Variants in PRH1 observed in about 807,000 individuals in gnomAD.
The protein encoded by PRH1 is proline rich protein HaeIII subfamily 1.
A neutral mutation model predicts 7.9 loss-of-function variants in PRH1; 7 were observed. That is an observed-to-expected ratio of 0.89 (90% confidence interval 0.50 to 1.67). The LOEUF is 1.67. Ranked by LOEUF, PRH1 falls within the 40% of genes most tolerant of loss-of-function variation. The pLI is 0.00. For missense variants in PRH1, 109 were observed against 223.6 expected (o/e 0.49, Z 3.27); for synonymous variants, 45 against 80.8 (o/e 0.56, Z 2.38).
At chr12:11,116,544 A>C (rs1012562540), downstream of PRH1, among the ~76,000 whole-genome samples, 2 of 152,134 alleles carry the variant, frequency 1.3e-5, no homozygotes, top group African/African-American at 4.8e-5. Flanking sequence ...TGAAAAACAG[A>C]GGAAGAGGGA....
At chr12:10,881,425 C>T (rs763745365) in intron 3 of PRH1, among the ~76,000 whole-genome samples, 4 of 152,006 alleles carry the variant, frequency 2.6e-5, no homozygotes, top group Non-Finnish European at 4.4e-5. Context: ...AAATAGATTA[C>T]GGAACAACCA....
chr12:11,046,185 A>AAT (rs1942892267), intron 1 of PRH1, among the ~76,000 whole-genome samples: 1 of 152,218 alleles, frequency 6.6e-6, no homozygotes, highest in African/African-American at 2.4e-5. Context: ...ATGGACAAGG[A>AAT]ATATGACTGT....
chr12:10,914,614 C>T lies in PRH1; in HGVS notation c.-58-30339G>A, dbSNP rs138110947. ...TTTTCTGGTAGCTCTTGTTATAAGT[C>T]GTATTTACATTAAGAACTCTCCCCT... On this transcript the variant is annotated intron_variant, in intron 2 of 3. Coordinates refer to the PRH1 transcript ENST00000539853. Among the ~76,000 whole-genome samples, 32 of 152,162 alleles carry T rather than the reference C, an allele frequency of 2.1e-4. No homozygotes were observed. The East Asian group carries it at 6.2e-3, about 29-fold the overall frequency.
intron 1 of PRH1, among the ~76,000 whole-genome samples, chr12:11,154,600 CTTA>C (rs1950112067): frequency 6.6e-6 from 1 of 152,160 alleles, no homozygotes; most frequent in South Asian, 2.1e-4. Context: ...CAAAGGTTGT[CTTA>C]TTATGCAGAT....
chr12:11,131,579 A>G (rs574301367), intron 1 of PRH1, among the ~76,000 whole-genome samples: 3 of 152,414 alleles, frequency 2.0e-5, no homozygotes, highest in Admixed American at 1.3e-4. Context: ...AGAAAAAAAT[A>G]CATACGCAAA....
intron 2 of PRH1, chr12:10,909,158 G>A (rs1949856489): frequency 6.2e-7 from 1 of 1,613,964 alleles, no homozygotes; most frequent in Non-Finnish European, 8.5e-7. Flanking sequence ...AGATAATGAG[G>A]AGTTTATCGA....
chr12:10,990,691 G>T (rs186686392), intron 1 of PRH1, among the ~76,000 whole-genome samples: 1 of 152,318 alleles, frequency 6.6e-6, no homozygotes, highest in African/African-American at 2.4e-5. Flanking sequence ...TGCAGAACTA[G>T]AAAGAATAAT....
rs189167246 is a variant in PRH1, at chr12:10,957,928, T to C, written c.-59+15727A>G. Among the ~76,000 whole-genome samples the C allele has an allele frequency of 1.1e-3, 164 of 152,294 alleles. 1 individual carries two copies. The Middle Eastern group carries it at 0.031, about 28-fold the overall frequency. ...CAAAAAACAACAGATTCTGGCAAGATTGTGGTGAAAGGGAATGCTTTCACA... is the reference window on the plus strand; with the variant it reads ...CAAAAAACAACAGATTCTGGCAAGACTGTGGTGAAAGGGAATGCTTTCACA... On this transcript the variant is annotated intron_variant, in intron 2 of 3. Transcript: ENST00000539853.
intron 1 of PRH1, among the ~76,000 whole-genome samples, chr12:10,979,546 G>T (rs1939256870): frequency 6.6e-6 from 1 of 152,190 alleles, no homozygotes; most frequent in African/African-American, 2.4e-5. Flanking sequence ...ACTTCGTAAG[G>T]ATTTTGGCCT....
intron 1 of PRH1, among the ~76,000 whole-genome samples, chr12:10,985,658 A>G (rs189467680): frequency 6.6e-6 from 1 of 152,300 alleles, no homozygotes; most frequent in East Asian, 1.9e-4. Context: ...CATGATTCTG[A>G]AAAACTTCTT....
intron 1 of PRH1, among the ~76,000 whole-genome samples, chr12:11,169,786 A>C (rs1277433841): frequency 6.6e-6 from 1 of 152,190 alleles, no homozygotes; most frequent in Non-Finnish European, 1.5e-5. Flanking sequence ...CTATACCAGT[A>C]TTTTAGAAGT....
intron 1 of PRH1, among the ~76,000 whole-genome samples, chr12:11,010,271 A>G (rs1253254668): frequency 6.6e-6 from 1 of 152,010 alleles, no homozygotes; most frequent in Non-Finnish European, 1.5e-5. Flanking sequence ...ACAATGAAAA[A>G]TAAATCATTT....
upstream of PRH1, chr12:11,048,282 C>T (rs556835278): frequency 1.7e-4 from 34 of 198,544 alleles, no homozygotes; most frequent in Admixed American, 6.8e-4. Flanking sequence ...CAGATACCGT[C>T]AGTTTGTTTT....
intron 2 of PRH1, among the ~76,000 whole-genome samples, chr12:10,947,797 T>A (rs1176508790): frequency 6.6e-6 from 1 of 152,166 alleles, no homozygotes; most frequent in South Asian, 2.1e-4. Flanking sequence ...AGTGCCGCTT[T>A]CAAGATCTCT....
At chr12:11,108,448 G>C (rs1364141464) in intron 1 of PRH1, among the ~76,000 whole-genome samples, 1 of 152,174 alleles carries the variant, frequency 6.6e-6, no homozygotes. Context: ...GGTGATTTCT[G>C]CATTTCCAAC....
At chr12:10,915,544 G>T (rs547941262) in intron 2 of PRH1, among the ~76,000 whole-genome samples, 1 of 57,228 alleles carries the variant, frequency 1.7e-5, no homozygotes, top group South Asian at 9.9e-4. Flanking sequence ...TAGGTCACAC[G>T]TGTCAAAGTA....
chr12:10,916,878 T>C (rs1441730957), intron 2 of PRH1, among the ~76,000 whole-genome samples: 4 of 149,978 alleles, frequency 2.7e-5, no homozygotes. Context: ...AAAGACCACC[T>C]CTCTATAAAA....
chr12:11,133,461 T>G, intron 1 of PRH1: 1 of 1,614,088 alleles, frequency 6.2e-7, no homozygotes, highest in Non-Finnish European at 8.5e-7. Context: ...TGGCAGAACA[T>G]GAAGACAGGT....
intron 2 of PRH1, among the ~76,000 whole-genome samples, chr12:10,949,722 C>T (rs1209668470): frequency 6.6e-6 from 1 of 151,918 alleles, no homozygotes; most frequent in Non-Finnish European, 1.5e-5. Flanking sequence ...AACTTAAATA[C>T]ACAGTTAGGG....
Sources: gnomAD v4.1 joint callset for allele counts (sites outside exome capture counted in the v4.1 genomes callset) on GRCh38, gnomAD v4.1.1 for gene constraint, MANE v1.5 for transcripts, NCBI Gene and HGNC (gene_info 2026-07-23, HGNC 2026-07-21) for gene names.